The following HHIPL1 variants were observed in gnomAD, a reference collection of about 807,000 sequenced individuals.
HHIPL1 encodes the protein HHIP like 1.
Under a neutral mutation model 61.8 loss-of-function variants are expected in HHIPL1, and 43 were observed. The observed-to-expected ratio is 0.70, with a 90% confidence interval of 0.55 to 0.90. HHIPL1 has a LOEUF of 0.90. HHIPL1 is among the 40% of genes least tolerant of loss of function. The probability of loss-of-function intolerance (pLI) is 0.00; values close to 1 mark genes in which losing one functional copy is unlikely to be tolerated. For missense variants in HHIPL1, 1,056 were observed against 1,157.7 expected (o/e 0.91, Z 1.28); for synonymous variants, 482 against 515.8 (o/e 0.93, Z 0.89).
At chr14:99,651,244 G>C (rs1595149711) in intron 1 of HHIPL1, among the ~76,000 whole-genome samples, 2 of 152,138 alleles carry the variant, frequency 1.3e-5, no homozygotes, top group South Asian at 4.2e-4. Context: ...GAGAAAGAGA[G>C]ACCCTGTCTC....
Position 99,675,499 on chromosome 14 carries a change from AC to A in HHIPL1, c.2223del (p.Asp741GlufsTer145). ...GQGGSLPILL[D>X]DVRCAGWERN... is the part of the protein sequence containing the mutation. The stretch of plus-strand genomic sequence containing the variant: ...GGCGGCTCGCTGCCCATTCTGCTGG[AC>A]GATGTGCGCTGCGCGGGCTGGGAGC... On this transcript the variant is annotated frameshift_variant, in exon 9 of 9. Transcript: ENST00000330710. LOFTEE classifies it low-confidence loss of function (END_TRUNC). This position sits in a 1 kb window ranked among gnomAD's most constrained non-coding sequence, Gnocchi z 5.4. 6.5e-7 allele frequency: 1 copy of A among 1,543,024 alleles called. No homozygotes were observed. Among genetic ancestry groups the A allele is most frequent in the Non-Finnish European group, 8.7e-7 (1 of 1,146,524 alleles).
chr14:99,674,044 G>T (rs1461777741), intron 8 of HHIPL1, among the ~76,000 whole-genome samples: 2 of 151,890 alleles, frequency 1.3e-5, no homozygotes, highest in South Asian at 4.1e-4. Context: ...AGGGGCCAGG[G>T]TGCAGGGACA....
At chr14:99,650,567 C>T (rs993808894) in intron 1 of HHIPL1, among the ~76,000 whole-genome samples, 1 of 152,210 alleles carries the variant, frequency 6.6e-6, no homozygotes, top group Non-Finnish European at 1.5e-5. Context: ...TGGGAGCTGG[C>T]CAGTAGAGCT....
chr14:99,664,831 A>G (rs1045437351), intron 6 of HHIPL1, among the ~76,000 whole-genome samples: 1 of 152,190 alleles, frequency 6.6e-6, no homozygotes, highest in Non-Finnish European at 1.5e-5. Context: ...AAGGCACACA[A>G]ATGCATCCTG....
Position 99,660,409 on chromosome 14 carries a change from AAGTGAC to A in HHIPL1, c.1502+4_1502+9del. The stretch of plus-strand genomic sequence containing the variant: ...ATTTTTGGGGATTTCATGAGCGGGT[AAGTGAC>A]CTAGTGCCCTCGCGCCCCTGGCTGC... On this transcript the variant is annotated splice_donor_5th_base_variant and intron_variant, in intron 5 of 8. Transcript: ENST00000330710. The surrounding 1 kb of genome is among the most constrained non-coding windows in gnomAD (Gnocchi z 4.9). 1 of 1,612,040 alleles carries A rather than the reference AAGTGAC, an allele frequency of 6.2e-7. No homozygotes were observed. The highest frequency in any genetic ancestry group is 8.5e-7 in the Non-Finnish European group (1 of 1,178,610).
In HHIPL1 at chr14:99,680,440, AATCCTC is replaced by A. The variant is rs2056428736; in HGVS notation, c.*4815_*4820del. The A allele has an allele frequency of 6.6e-6, 1 of 152,164 alleles. No homozygotes were observed. The highest frequency in any genetic ancestry group is 2.4e-5 in the African/African-American group (1 of 41,432). The allele number at this position is 152,164 out of a possible 1,614,324, so 9.4% of individuals were successfully genotyped here. On this transcript the variant is annotated 3_prime_UTR_variant, in exon 9 of 9. Coordinates refer to ENST00000330710, the MANE Select transcript of HHIPL1 (RefSeq NM_001127258.3). ...GTTCTAGAAGCTCCTGGGTAATGCT[AATCCTC>A]CTGTTCTAGGGGCCATAGTCATTGT... is the stretch of plus-strand genomic sequence containing the variant.
At chr14:99,661,008 A>C (rs1007572450) in intron 5 of HHIPL1, among the ~76,000 whole-genome samples, 4 of 152,090 alleles carry the variant, frequency 2.6e-5, no homozygotes, top group African/African-American at 9.7e-5. Flanking sequence ...CAGCAGTACC[A>C]CCCACTGAGA....
intron 1 of HHIPL1, among the ~76,000 whole-genome samples, chr14:99,649,619 T>C (rs1217764933): frequency 6.6e-6 from 1 of 152,214 alleles, no homozygotes; most frequent in South Asian, 2.1e-4. Context: ...AGAGAGACCC[T>C]GTCTCTGCAA....
chr14:99,667,595 C>T (rs963322853), intron 6 of HHIPL1, among the ~76,000 whole-genome samples: 7 of 152,304 alleles, frequency 4.6e-5, no homozygotes, highest in Admixed American at 3.3e-4. Flanking sequence ...AGGACCTACA[C>T]TCCCAGCCAT....
chr14:99,673,835 G>T (rs1214814088), intron 8 of HHIPL1, among the ~76,000 whole-genome samples: 1 of 99,118 alleles, frequency 1.0e-5, no homozygotes, highest in Non-Finnish European at 2.1e-5. Context: ...GCATGGAGGG[G>T]GGGTGCACAG....
At chr14:99,642,766 C>T (rs1260548932), upstream of HHIPL1, among the ~76,000 whole-genome samples, 1 of 151,708 alleles carries the variant, frequency 6.6e-6, no homozygotes, top group African/African-American at 2.4e-5. Flanking sequence ...CATCGTGATC[C>T]GCCCACCTTG....
At chr14:99,643,248 CAGG>C (rs2055776101), upstream of HHIPL1, among the ~76,000 whole-genome samples, 1 of 151,858 alleles carries the variant, frequency 6.6e-6, no homozygotes. Context: ...CCATGTTGAC[CAGG>C]CTGGTTTCGA....
chr14:99,631,837 C>T, the HHIPL1 span, among the ~76,000 whole-genome samples: 1 of 152,194 alleles, frequency 6.6e-6, no homozygotes, highest in Non-Finnish European at 1.5e-5. Flanking sequence ...CCAGAGAGAT[C>T]GCTCCTGCCG....
At chr14:99,634,240 G>A in the HHIPL1 span, among the ~76,000 whole-genome samples, 3 of 152,168 alleles carry the variant, frequency 2.0e-5, no homozygotes, top group African/African-American at 4.8e-5. Context: ...ATTGAGGCTG[G>A]GGCTGGAGAT....
chr14:99,610,032 A>G, the HHIPL1 span, among the ~76,000 whole-genome samples: 55 of 152,284 alleles, frequency 3.6e-4, 1 homozygote, highest in East Asian at 9.3e-3. Flanking sequence ...TGTGATGGAA[A>G]TAAAGAGATT....
At chr14:99,621,464 A>G in the HHIPL1 span, among the ~76,000 whole-genome samples, 1 of 151,772 alleles carries the variant, frequency 6.6e-6, no homozygotes, top group African/African-American at 2.4e-5. Context: ...GGACTGGGGG[A>G]TTTTATGTGG....
intron 2 of HHIPL1, among the ~76,000 whole-genome samples, chr14:99,655,859 T>C (rs2056019144): frequency 6.6e-6 from 1 of 152,220 alleles, no homozygotes; most frequent in Non-Finnish European, 1.5e-5. Flanking sequence ...CTGTGGACTT[T>C]GCTGCTCTTA....
At chr14:99,649,515 G>T (rs1362404879) in intron 1 of HHIPL1, among the ~76,000 whole-genome samples, 2 of 152,226 alleles carry the variant, frequency 1.3e-5, no homozygotes, top group Non-Finnish European at 2.9e-5. Context: ...GTCAAGCCGT[G>T]TACGGTGGCT....
chr14:99,637,200 GGAAGAAAGAAAGA>G, the HHIPL1 span, among the ~76,000 whole-genome samples: 1,563 of 104,142 alleles, frequency 0.015, 30 homozygotes, highest in Non-Finnish European at 0.02. Context: ...AAGAAAGAAA[GGAAGAAAGAAAGA>G]AAGAAAGAAA....
Sources: allele counts gnomAD v4.1 joint callset (sites outside exome capture counted in the v4.1 genomes callset), GRCh38; gene constraint gnomAD v4.1.1; non-coding constraint Gnocchi (gnomAD v3.1); transcripts MANE v1.5; gene names NCBI Gene and HGNC (gene_info 2026-07-23, HGNC 2026-07-21).